ARID2: variants seen among roughly 807,000 people sequenced by gnomAD.
ARID2 encodes AT-rich interactive domain-containing protein 2.
Under a neutral mutation model 184.6 loss-of-function variants are expected in ARID2, and 32 were observed. That is an observed-to-expected ratio of 0.17 (90% confidence interval 0.13 to 0.23). The LOEUF (loss-of-function observed/expected upper bound fraction) is 0.23, where lower values mean the gene tolerates loss of function less well. ARID2 is among the 10% of genes least tolerant of loss of function. The pLI is 1.00. For synonymous variants in ARID2, 836 were observed against 772.6 expected (o/e 1.08, Z -1.36); for missense variants, 1,696 against 2,197.6 (o/e 0.77, Z 4.56).
chr12:45,744,373 A>G (rs766373336), intron 3 of ARID2, among the ~76,000 whole-genome samples: 1 of 152,090 alleles, frequency 6.6e-6, no homozygotes, highest in Admixed American at 6.5e-5. Context: ...GTTATCTACT[A>G]CAGTTTAGTA....
intron 3 of ARID2, among the ~76,000 whole-genome samples, chr12:45,772,218 G>A (rs1234009962): frequency 1.3e-5 from 2 of 152,134 alleles, no homozygotes; most frequent in African/African-American, 4.8e-5. Flanking sequence ...GATACACACA[G>A]AACAAAAAGT....
At position 45,895,376 on chromosome 12, in the gene ARID2, T is replaced by A. The variant is rs543194894; in HGVS notation, c.5363+1655T>A. On this transcript the variant is annotated intron_variant, in intron 20 of 20. Transcript: ENST00000334344. ...ACATATTCCCTAATGCCCCATGTGT[T>A]GCATGTTACCACCTTAGATGATGAG... Among the ~76,000 whole-genome samples the A allele has an allele frequency of 2.0e-5, 3 of 152,332 alleles. No homozygotes were observed. In the South Asian group the frequency reaches 6.2e-4, roughly 32 times the overall value.
intron 11 of ARID2, 124 bp from the exon 12 acceptor site, chr12:45,846,732 T>A (rs1308539554): frequency 1.3e-6 from 1 of 740,744 alleles, no homozygotes; most frequent in African/African-American, 1.8e-5. Context: ...TATACTTTCA[T>A]ATGTTTATAC....
At chr12:45,794,981 A>G (rs536949598) in intron 3 of ARID2, among the ~76,000 whole-genome samples, 2 of 150,102 alleles carry the variant, frequency 1.3e-5, no homozygotes, top group East Asian at 3.9e-4. Flanking sequence ...TCTTTTTTCC[A>G]TTTCACTCTA....
intron 20 of ARID2, among the ~76,000 whole-genome samples, chr12:45,902,372 A>T (rs1944470795): frequency 6.6e-6 from 1 of 152,186 alleles, no homozygotes; most frequent in African/African-American, 2.4e-5. Context: ...TTATCCATGC[A>T]ATATTCAAAT....
intron 16 of ARID2, among the ~76,000 whole-genome samples, chr12:45,874,646 A>T (rs1367094674): frequency 1.3e-5 from 2 of 152,218 alleles, no homozygotes; most frequent in Non-Finnish European, 2.9e-5. Context: ...GTCATTCATG[A>T]GAATTGGAAT....
At chr12:45,879,514 T>G (rs959325547) in intron 16 of ARID2, among the ~76,000 whole-genome samples, 1 of 152,212 alleles carries the variant, frequency 6.6e-6, no homozygotes, top group Non-Finnish European at 1.5e-5. Context: ...AGTTTGTCAG[T>G]TGCTGTTTAA....
intron 3 of ARID2, among the ~76,000 whole-genome samples, chr12:45,751,035 C>CAT (rs1203026765): frequency 6.6e-6 from 1 of 152,002 alleles, no homozygotes; most frequent in African/African-American, 2.4e-5. Flanking sequence ...ATGCACTGGA[C>CAT]ATATATCAAT....
At chr12:45,904,381 C>G (rs1423708705) in intron 20 of ARID2, 14 of 715,468 alleles carry the variant, frequency 2.0e-5, no homozygotes, top group South Asian at 1.9e-4. Context: ...TGCTGTGCAG[C>G]CTTCCATATT....
rs1395976725 is a variant in ARID2, at chr12:45,850,120, A to G, written c.1997A>G (p.Gln666Arg). The G allele has an allele frequency of 8.1e-6, 13 of 1,613,952 alleles. No individual in the cohort carries two copies. The highest frequency in any genetic ancestry group is 1.1e-5 in the Non-Finnish European group (13 of 1,179,978). Residue 666 changes from glutamine (Q) to arginine (R), a missense_variant, in exon 15 of 21, where the codon CAA becomes CGA. Physicochemically the swap from Gln to Arg is conservative, Grantham distance 43. Coordinates refer to ENST00000334344, the MANE Select transcript of ARID2 (RefSeq NM_152641.4). The stretch of plus-strand genomic sequence containing the variant: ...CAATCTTCAAATCTGACTGCAACAC[A>G]AATGTCTTTTCCTGTACAAGGTGTT... ...ANQSSNLTAT[Q>R]MSFPVQGVHT...
chr12:45,807,345 C>T (rs1041916773), intron 3 of ARID2, among the ~76,000 whole-genome samples: 2 of 151,514 alleles, frequency 1.3e-5, no homozygotes, highest in African/African-American at 4.9e-5. Context: ...TTCCTTGATC[C>T]AAGAATAGTC....
chr12:45,872,180 C>G (rs247918), intron 16 of ARID2, among the ~76,000 whole-genome samples: 1 of 151,372 alleles, frequency 6.6e-6, no homozygotes, highest in East Asian at 1.9e-4. Context: ...TTAATGTGCT[C>G]TTCTTTGTCT....
chr12:45,852,233 T>C lies in ARID2; in HGVS notation c.4110T>C (p.Ser1370=), dbSNP rs370785887. Reference sequence around the variant, plus strand: ...GTGATTTTGATAAAGGAGATGGTTCTCATTTAAGCAAAAACATTCCAAATC... The same window carrying C: ...GTGATTTTGATAAAGGAGATGGTTCCCATTTAAGCAAAAACATTCCAAATC... ...GICDFDKGDG[S]HLSKNIPNHK... Residue 1370 remains serine (S), a synonymous_variant, in exon 15 of 21, where the codon TCT becomes TCC. Transcript: ENST00000334344. The C allele has an allele frequency of 3.0e-5, 48 of 1,614,130 alleles. No homozygotes were observed. The African/African-American group carries it at 5.2e-4, about 17-fold the overall frequency.
intron 4 of ARID2, among the ~76,000 whole-genome samples, chr12:45,813,008 AT>A (rs1180895794): frequency 1.3e-5 from 2 of 152,134 alleles, no homozygotes; most frequent in African/African-American, 2.4e-5. Flanking sequence ...CATGTGAAAT[AT>A]TTTTGGTATT....
chr12:45,881,901 A>T, intron 16 of ARID2: 1 of 197,444 alleles, frequency 5.1e-6, no homozygotes, highest in Non-Finnish European at 1.1e-5. Flanking sequence ...GGAGGTTTTC[A>T]CCCCAGAGCC....
At chr12:45,833,350 T>G (rs1943157492) in intron 6 of ARID2, among the ~76,000 whole-genome samples, 1 of 152,206 alleles carries the variant, frequency 6.6e-6, no homozygotes, top group Non-Finnish European at 1.5e-5. Flanking sequence ...ATTATCCATT[T>G]ATTTGCTAAT....
chr12:45,730,216 T>C, intron 2 of ARID2, 79 bp downstream of exon 2: 1 of 1,426,520 alleles, frequency 7.0e-7, no homozygotes, highest in Non-Finnish European at 9.6e-7. Context: ...AGTGGGCGCT[T>C]GGGGCTGGGG....
intron 20 of ARID2, among the ~76,000 whole-genome samples, chr12:45,901,478 C>A (rs780592895): frequency 1.3e-5 from 2 of 151,062 alleles, no homozygotes; most frequent in Admixed American, 6.6e-5. Flanking sequence ...CCGGAAATTT[C>A]CTTAATTTTT....
chr12:45,813,081 C>T (rs1942740353), intron 4 of ARID2, among the ~76,000 whole-genome samples: 1 of 152,088 alleles, frequency 6.6e-6, no homozygotes, highest in Non-Finnish European at 1.5e-5. Context: ...GATAGAATTG[C>T]TTAACCTGTT....
Sources: gnomAD v4.1 joint callset for allele counts (sites outside exome capture counted in the v4.1 genomes callset) on GRCh38, gnomAD v4.1.1 for gene constraint, MANE v1.5 for transcripts, NCBI Gene and HGNC (gene_info 2026-07-23, HGNC 2026-07-21) for gene names.